The following NRXN1 variants were observed in gnomAD, a reference collection of about 807,000 sequenced individuals.
NRXN1 encodes the protein neurexin 1.
Under a neutral mutation model 150.9 loss-of-function variants are expected in NRXN1, and 39 were observed. The ratio of observed to expected loss-of-function variants is 0.26; its 90% CI spans 0.20 to 0.34. NRXN1 has a LOEUF of 0.34. Ranked by LOEUF, NRXN1 falls within the 10% of genes least tolerant of loss-of-function variation. NRXN1 has a pLI of 1.00. For synonymous variants in NRXN1, 924 were observed against 757.0 expected, an observed-to-expected ratio of 1.22 and a Z score of -3.62; for missense variants, 1,815 against 1,949.9, an observed-to-expected ratio of 0.93 and a Z score of 1.30.
intron 5 of NRXN1, among the ~76,000 whole-genome samples, chr2:50,828,648 A>G (rs1574624818): frequency 2.0e-5 from 3 of 147,392 alleles, no homozygotes; most frequent in Admixed American, 1.4e-4. Flanking sequence ...GGGCAGAGAC[A>G]CTCCTCACTT....
intron 17 of NRXN1, among the ~76,000 whole-genome samples, chr2:50,301,137 G>C (rs1361006235): frequency 6.6e-6 from 1 of 152,200 alleles, no homozygotes; most frequent in Non-Finnish European, 1.5e-5. Context: ...CTCTACATGA[G>C]AAGTTAGATG....
At chr2:50,953,945 T>C (rs1199472710) in intron 2 of NRXN1, among the ~76,000 whole-genome samples, 3 of 152,120 alleles carry the variant, frequency 2.0e-5, no homozygotes, top group Admixed American at 6.5e-5. Context: ...GGACAAAATA[T>C]AGAGACCAAT....
At chr2:50,591,400 ATAGATAGATAGATAG>A (rs1558985049) in intron 8 of NRXN1, among the ~76,000 whole-genome samples, 2,475 of 151,526 alleles carry the variant, frequency 0.016, 26 homozygotes, top group Middle Eastern at 0.065. Flanking sequence ...AGATAGATAG[ATAGATAGATAGATAG>A]ATAGATAGAT....
chr2:50,098,818 T>G (rs1234832126), intron 18 of NRXN1, among the ~76,000 whole-genome samples: 2 of 123,630 alleles, frequency 1.6e-5, no homozygotes, highest in African/African-American at 3.0e-5. Context: ...CATGGTTTTG[T>G]TTTTGGTTTT....
At chr2:50,488,787 A>G (rs1227393114) in intron 15 of NRXN1, among the ~76,000 whole-genome samples, 1 of 152,194 alleles carries the variant, frequency 6.6e-6, no homozygotes, top group African/African-American at 2.4e-5. Flanking sequence ...TACTTGAATG[A>G]GAGAGATATT....
In NRXN1 at chr2:50,764,583, G is replaced by C. The variant is rs1230786739; in HGVS notation, c.833-140968C>G. 2.0e-5 allele frequency among the ~76,000 whole-genome samples: 3 copies of C among 151,920 alleles called. No homozygotes were observed. In the South Asian group the frequency reaches 6.2e-4, roughly 32 times the overall value. Reference sequence around the variant, plus strand: ...TTCCCCATGTGGTTATATGCTTATCGTTATACCCATTTTGTAGATGAGGAA... The same window carrying C: ...TTCCCCATGTGGTTATATGCTTATCCTTATACCCATTTTGTAGATGAGGAA... On this transcript the variant is annotated intron_variant, in intron 5 of 22. Coordinates refer to ENST00000401669, the MANE Select transcript of NRXN1 (RefSeq NM_001330078.2).
chr2:50,653,397 C>T (rs1685923206), intron 5 of NRXN1, among the ~76,000 whole-genome samples: 1 of 151,990 alleles, frequency 6.6e-6, no homozygotes, highest in South Asian at 2.1e-4. Flanking sequence ...CTTTCAGTCT[C>T]TTAATGGCTG....
intron 18 of NRXN1, among the ~76,000 whole-genome samples, chr2:50,095,948 C>G (rs1296403726): frequency 1.6e-5 from 2 of 122,366 alleles, no homozygotes; most frequent in Admixed American, 9.2e-5. Flanking sequence ...CCCCCCACCC[C>G]ACAACAGGCC....
chr2:50,052,651 G>A (rs553207304), intron 21 of NRXN1, among the ~76,000 whole-genome samples: 2 of 152,214 alleles, frequency 1.3e-5, no homozygotes, highest in East Asian at 1.9e-4. Context: ...GCTAATTAGA[G>A]TTAATTGTAG....
intron 21 of NRXN1, among the ~76,000 whole-genome samples, chr2:49,957,830 T>C (rs923017266): frequency 1.3e-5 from 2 of 152,118 alleles, no homozygotes; most frequent in East Asian, 3.9e-4. Flanking sequence ...TAGGAGTATA[T>C]CCCAGTTTCC....
intron 21 of NRXN1, among the ~76,000 whole-genome samples, chr2:49,963,386 C>G (rs1676348270): frequency 6.6e-6 from 1 of 152,012 alleles, no homozygotes; most frequent in Non-Finnish European, 1.5e-5. Context: ...AGAAAAGAGG[C>G]AAAACAAACA....
intron 5 of NRXN1, among the ~76,000 whole-genome samples, chr2:50,674,201 G>C (rs560776651): frequency 1.3e-5 from 2 of 152,288 alleles, no homozygotes; most frequent in East Asian, 3.9e-4. Flanking sequence ...AACTCTTGGT[G>C]ATATTGCCTG....
At chr2:50,240,863 G>C (rs2065938607) in intron 17 of NRXN1, among the ~76,000 whole-genome samples, 1 of 151,564 alleles carries the variant, frequency 6.6e-6, no homozygotes, top group Non-Finnish European at 1.5e-5. Flanking sequence ...AGAGAGAATA[G>C]GTGTCATGTG....
chr2:50,463,636 A>G (rs2088487596), intron 17 of NRXN1, among the ~76,000 whole-genome samples: 2 of 151,806 alleles, frequency 1.3e-5, no homozygotes, highest in African/African-American at 2.4e-5. Context: ...TCATTCGAAG[A>G]CAGCATGATA....
At chr2:50,127,731 G>C (rs895830539) in intron 18 of NRXN1, among the ~76,000 whole-genome samples, 7 of 152,158 alleles carry the variant, frequency 4.6e-5, no homozygotes. Context: ...AATATGGAAA[G>C]TCTTTATGCT....
chr2:50,127,740 C>T (rs962075963), intron 18 of NRXN1, among the ~76,000 whole-genome samples: 2 of 152,134 alleles, frequency 1.3e-5, no homozygotes, highest in African/African-American at 2.4e-5. Flanking sequence ...AGTCTTTATG[C>T]TTTGCTTTTG....
At chr2:50,595,532 A>G (rs1427095506) in intron 8 of NRXN1, among the ~76,000 whole-genome samples, 1 of 152,130 alleles carries the variant, frequency 6.6e-6, no homozygotes, top group Non-Finnish European at 1.5e-5. Flanking sequence ...CCAGAGTAAC[A>G]TTTATAGCAT....
Position 49,920,712 on chromosome 2 carries a change from GTGTGT to G in NRXN1, c.*1227_*1231del, listed in dbSNP as rs1668041705. 4 of 96,406 alleles carry G rather than the reference GTGTGT, an allele frequency of 4.1e-5. No homozygotes were observed. The highest frequency in any genetic ancestry group is 1.7e-4 in the African/African-American group (4 of 23,200). 6.0% of individuals were successfully genotyped at this position (96,406 alleles called of 1,614,324 possible). A position where few individuals can be genotyped will look rare whatever the true frequency, so the allele number is the denominator to read the frequency against. ...GCTGTGGATTCGTGTGTGTGTGTGT[GTGTGT>G]GTGTGTGTGTGTGTGTGTGTGTGTG... is the stretch of plus-strand genomic sequence containing the variant. On this transcript the variant is annotated 3_prime_UTR_variant, in exon 23 of 23. Coordinates refer to ENST00000401669, the MANE Select transcript of NRXN1 (RefSeq NM_001330078.2).
chr2:50,952,310 C>G (rs1691519306), intron 2 of NRXN1, among the ~76,000 whole-genome samples: 2 of 152,092 alleles, frequency 1.3e-5, no homozygotes, highest in South Asian at 4.1e-4. Flanking sequence ...GTCAAAAATT[C>G]TATCTTTTCT....
Sources: gnomAD v4.1 joint callset for allele counts (sites outside exome capture counted in the v4.1 genomes callset) on GRCh38, gnomAD v4.1.1 for gene constraint, MANE v1.5 for transcripts, NCBI Gene and HGNC (gene_info 2026-07-23, HGNC 2026-07-21) for gene names.